RTRAF: variants seen among roughly 807,000 people sequenced by gnomAD.
RTRAF encodes the protein tRNA-splicing ligase complex subunit RTRAF.
In RTRAF, 14 loss-of-function variants were observed where a neutral mutation model predicts 34.4. The ratio of observed to expected loss-of-function variants is 0.41; its 90% CI spans 0.27 to 0.64. The LOEUF (loss-of-function observed/expected upper bound fraction) is 0.64, where lower values mean the gene tolerates loss of function less well. Ranked by LOEUF, RTRAF falls within the 30% of genes least tolerant of loss-of-function variation. The probability of loss-of-function intolerance (pLI) is 0.34; values close to 1 mark genes in which losing one functional copy is unlikely to be tolerated. For missense variants in RTRAF, 291 were observed against 288.4 expected, an observed-to-expected ratio of 1.01 and a Z score of -0.06; for synonymous variants, 96 against 95.3, an observed-to-expected ratio of 1.01 and a Z score of -0.04.
At chr14:51,993,602 G>T (rs1173460152) in intron 2 of RTRAF, 121 bp from the exon 3 acceptor site, 1 of 638,238 alleles carries the variant, frequency 1.6e-6, no homozygotes, top group Non-Finnish European at 2.8e-6. Context: ...CAAAAGTGTA[G>T]TAATGTTATT....
chr14:52,005,415 C>T lies in RTRAF; in HGVS notation c.*899C>T. The T allele has an allele frequency of 7.0e-7, 1 of 1,425,028 alleles. No homozygotes were observed. Among genetic ancestry groups the T allele is most frequent in the Non-Finnish European group, 9.4e-7 (1 of 1,065,964 alleles). The allele number at this position is 1,425,028 out of a possible 1,614,324, so 88.3% of individuals were successfully genotyped here. On this transcript the variant is annotated 3_prime_UTR_variant, in exon 8 of 8. Coordinates refer to ENST00000261700, the MANE Select transcript of RTRAF (RefSeq NM_016039.3). ...CCAATTCCTTTTTTACTTTCTTTGC[C>T]TTTGCAGTCACTGTTCTTTAGGGTC...
intron 6 of RTRAF, 39 bp from the exon 7 acceptor site, chr14:52,004,155 A>G: frequency 6.4e-7 from 1 of 1,553,058 alleles, no homozygotes; most frequent in Non-Finnish European, 8.9e-7. Context: ...TGCTATTCTT[A>G]ACCATAAATA....
intron 2 of RTRAF, among the ~76,000 whole-genome samples, chr14:51,991,674 A>G (rs1890437091): frequency 6.6e-6 from 1 of 152,240 alleles, no homozygotes; most frequent in Non-Finnish European, 1.5e-5. Context: ...TTCTCTAGAA[A>G]CATGAAGTTT....
intron 1 of RTRAF, among the ~76,000 whole-genome samples, 195 bp downstream of exon 1, chr14:51,989,895 T>C (rs1353742142): frequency 6.6e-6 from 1 of 152,198 alleles, no homozygotes; most frequent in African/African-American, 2.4e-5. Flanking sequence ...CCCTCTCACC[T>C]ACTCCTGTCT....
chr14:52,008,626 A>G lies in RTRAF; in HGVS notation c.*4110A>G, dbSNP rs373853801. ...TGGGAGAAGTCATTACTAAGTTACT[A>G]TCAGAATCCCTGCCTCCAAGATACC... On this transcript the variant is annotated 3_prime_UTR_variant, in exon 8 of 8. Coordinates refer to ENST00000261700, the MANE Select transcript of RTRAF (RefSeq NM_016039.3). The G allele has an allele frequency of 1.3e-5, 2 of 152,174 alleles. No individual in the cohort carries two copies. The highest frequency in any genetic ancestry group is 2.1e-4 in the South Asian group (1 of 4,834). 9.4% of individuals were successfully genotyped at this position (152,174 alleles called of 1,614,324 possible).
chr14:52,000,991 C>T (rs1388037563), intron 5 of RTRAF, among the ~76,000 whole-genome samples: 1 of 152,194 alleles, frequency 6.6e-6, no homozygotes, highest in Non-Finnish European at 1.5e-5. Flanking sequence ...AAGAGGCATT[C>T]AAACAATAAC....
intron 6 of RTRAF, among the ~76,000 whole-genome samples, chr14:52,002,446 TCA>T (rs1470461240): frequency 6.6e-6 from 1 of 152,172 alleles, no homozygotes; most frequent in East Asian, 1.9e-4. Flanking sequence ...CATGAGCTTG[TCA>T]GTCTGCCCAG....
chr14:52,004,268 C>CTA (rs769365008), intron 7 of RTRAF, 26 bp downstream of exon 7: 1 of 1,609,636 alleles, frequency 6.2e-7, no homozygotes, highest in Non-Finnish European at 8.5e-7. Context: ...TAAATTCAAA[C>CTA]TATTTTTTTT....
Position 52,005,937 on chromosome 14 carries a change from G to A in RTRAF, c.*1421G>A. 2.0e-6 allele frequency: 2 copies of A among 988,194 alleles called. No individual in the cohort carries two copies. The highest frequency in any genetic ancestry group is 1.8e-5 in the Admixed American group (1 of 54,318). 61.2% of individuals were successfully genotyped at this position (988,194 alleles called of 1,614,324 possible). ...GCCACAGAAAATCAGTTGCAATAGA[G>A]GAAAATTTCTGGCAGCCTTCTCTGT... On this transcript the variant is annotated 3_prime_UTR_variant, in exon 8 of 8. Transcript: ENST00000261700.
At chr14:51,999,348 C>T (rs142152189) in intron 4 of RTRAF, 193 of 176,126 alleles carry the variant, frequency 1.1e-3, no homozygotes, top group African/African-American at 4.3e-3. Flanking sequence ...TTTAATACCC[C>T]GGAAGACCCA....
Position 52,005,527 on chromosome 14 carries a change from T to C in RTRAF, c.*1011T>C. On this transcript the variant is annotated 3_prime_UTR_variant, in exon 8 of 8. Coordinates refer to ENST00000261700, the MANE Select transcript of RTRAF (RefSeq NM_016039.3). ...AGAGAAGAGCAGGGGTGGGACAGGG[T>C]GGTGGGTGAGTATATTGTAACCAAG... 1.3e-6 allele frequency: 2 copies of C among 1,591,574 alleles called. No homozygotes were observed. The highest frequency in any genetic ancestry group is 1.7e-6 in the Non-Finnish European group (2 of 1,171,344).
chr14:52,003,999 C>CT, intron 6 of RTRAF, 195 bp from the exon 7 acceptor site: 1 of 593,240 alleles, frequency 1.7e-6, no homozygotes, highest in Non-Finnish European at 3.0e-6. Context: ...ACTTTTCCCC[C>CT]TAACCGGTTG....
chr14:52,001,759 A>G, intron 5 of RTRAF, 39 bp from the exon 6 acceptor site: 1 of 1,556,790 alleles, frequency 6.4e-7, no homozygotes, highest in South Asian at 1.1e-5. Context: ...TGACAGGTAC[A>G]CAGCCTATAA....
At position 51,989,721 on chromosome 14, in the gene RTRAF, C is replaced by G. The variant is rs1021848270; in HGVS notation, c.61+21C>G. 4 of 1,587,628 alleles carry G rather than the reference C, an allele frequency of 2.5e-6. No individual in the cohort carries two copies. In the African/African-American group the frequency reaches 5.4e-5, roughly 22 times the overall value. ...CAAAGGTGAGGCGGCGGCCTCAGCC[C>G]GGCCGCGTGTCCCTGACCTGGGCGG... is the stretch of plus-strand genomic sequence containing the variant. On this transcript the variant is annotated intron_variant, in intron 1 of 7. Coordinates refer to ENST00000261700, the MANE Select transcript of RTRAF (RefSeq NM_016039.3).
Position 52,005,591 on chromosome 14 carries a change from G to A in RTRAF, c.*1075G>A, listed in dbSNP as rs1890742311. On this transcript the variant is annotated 3_prime_UTR_variant, in exon 8 of 8. Transcript: ENST00000261700. ...TCTTTGCATTTTGTGTATAAACTAG[G>A]TAGATTTAAGGTAGTAAAGACTGGC... The A allele has an allele frequency of 6.7e-7, 1 of 1,492,604 alleles. No individual in the cohort carries two copies. Among genetic ancestry groups the A allele is most frequent in the African/African-American group, 1.4e-5 (1 of 72,146 alleles). 92.5% of individuals were successfully genotyped at this position (1,492,604 alleles called of 1,614,324 possible).
rs1890727159 is a variant in RTRAF at position 52,005,387 on chromosome 14, T to C, written c.*871T>C. The stretch of plus-strand genomic sequence containing the variant: ...ATCTTGGATGCTCAGGAACGTCTAA[T>C]GGCCAATTCCTTTTTTACTTTCTTT... On this transcript the variant is annotated 3_prime_UTR_variant, in exon 8 of 8. Coordinates refer to ENST00000261700, the MANE Select transcript of RTRAF (RefSeq NM_016039.3). 8.2e-7 allele frequency: 1 copy of C among 1,225,970 alleles called. No homozygotes were observed. 75.9% of individuals were successfully genotyped at this position (1,225,970 alleles called of 1,614,324 possible).
At chr14:51,991,584 T>C in intron 2 of RTRAF, 143 bp downstream of exon 2, 1 of 919,004 alleles carries the variant, frequency 1.1e-6, no homozygotes, top group Non-Finnish European at 1.6e-6. Flanking sequence ...TTTTGCTTTT[T>C]TCTTAGATGT....
At position 52,005,115 on chromosome 14, in the gene RTRAF, A is replaced by C. The variant is rs1279336108; in HGVS notation, c.*599A>C. 5.5e-6 allele frequency: 1 copy of C among 181,058 alleles called. No homozygotes were observed. Among genetic ancestry groups the C allele is most frequent in the African/African-American group, 2.4e-5 (1 of 42,440 alleles). 11.2% of individuals were successfully genotyped at this position (181,058 alleles called of 1,614,324 possible). ...TGTTATATTGATCACATGTGCTTTA[A>C]TTTCTTGGCCAGAAGGAATCCATGG... On this transcript the variant is annotated 3_prime_UTR_variant, in exon 8 of 8. Coordinates refer to ENST00000261700, the MANE Select transcript of RTRAF (RefSeq NM_016039.3).
Position 52,004,871 on chromosome 14 carries a change from T to TTATAAATGTGATACTTTA in RTRAF, c.*356_*373dup, listed in dbSNP as rs1335702941. 1.7e-5 allele frequency: 3 copies of TTATAAATGTGATACTTTA among 173,072 alleles called. No individual in the cohort carries two copies. The East Asian group carries it at 4.7e-4, about 27-fold the overall frequency. 10.7% of individuals were successfully genotyped at this position (173,072 alleles called of 1,614,324 possible). On this transcript the variant is annotated 3_prime_UTR_variant, in exon 8 of 8. Coordinates refer to ENST00000261700, the MANE Select transcript of RTRAF (RefSeq NM_016039.3). ...TTTAAAATTGTTACATCTTTGGTAT[T>TTATAAATGTGATACTTTA]TATAAATGTGATACTTTACTTTCTG...
Sources: allele counts gnomAD v4.1 joint callset (sites outside exome capture counted in the v4.1 genomes callset), GRCh38; gene constraint gnomAD v4.1.1; transcripts MANE v1.5; gene names NCBI Gene and HGNC (gene_info 2026-07-23, HGNC 2026-07-21).